C12orf54: variants seen among roughly 807,000 people sequenced by gnomAD.
C12orf54 encodes uncharacterized protein C12orf54.
C12orf54 carries 24 observed loss-of-function variants against 26.4 expected under a neutral mutation model. The ratio of observed to expected loss-of-function variants is 0.91; its 90% CI spans 0.66 to 1.28. The LOEUF is 1.28. Among genes scored for constraint, C12orf54 ranks in the 50% most tolerant of loss-of-function variants. C12orf54 has a pLI of 0.00. For missense variants in C12orf54, 154 were observed against 150.9 expected (o/e 1.02, Z -0.11); for synonymous variants, 54 against 47.0 (o/e 1.15, Z -0.61).
chr12:48,419,779 G>T, the C12orf54 span, among the ~76,000 whole-genome samples: 1 of 152,136 alleles, frequency 6.6e-6, no homozygotes, highest in African/African-American at 2.4e-5. Context: ...GAGCCTCGAG[G>T]TACTCTGACC....
At chr12:48,440,640 T>A in the C12orf54 span, among the ~76,000 whole-genome samples, 1 of 152,206 alleles carries the variant, frequency 6.6e-6, no homozygotes, top group Non-Finnish European at 1.5e-5. Flanking sequence ...CATCTCTGGT[T>A]ATACATAGGT....
chr12:48,444,988 C>G, the C12orf54 span, among the ~76,000 whole-genome samples: 4 of 152,068 alleles, frequency 2.6e-5, no homozygotes, highest in Admixed American at 6.5e-5. Flanking sequence ...CTGGCTAACA[C>G]AGTGAAACCC....
chr12:48,493,490 C>A (rs1181914431), intron 7 of C12orf54, among the ~76,000 whole-genome samples: 1 of 151,638 alleles, frequency 6.6e-6, no homozygotes, highest in Non-Finnish European at 1.5e-5. Flanking sequence ...TGTGGTGGTG[C>A]ATGCCTGTAG....
At chr12:48,486,857 C>A in intron 4 of C12orf54, 131 bp downstream of exon 4, 1 of 860,744 alleles carries the variant, frequency 1.2e-6, no homozygotes, top group South Asian at 1.7e-5. Flanking sequence ...CAACACGCTC[C>A]CTCCCACCTT....
At chr12:48,443,267 A>G in the C12orf54 span, among the ~76,000 whole-genome samples, 1 of 152,164 alleles carries the variant, frequency 6.6e-6, no homozygotes, top group Non-Finnish European at 1.5e-5. Context: ...TAATGATCTA[A>G]TAGGGAGAGA....
chr12:48,426,601 T>A, the C12orf54 span, among the ~76,000 whole-genome samples: 82 of 152,284 alleles, frequency 5.4e-4, no homozygotes, highest in Admixed American at 3.9e-4. Flanking sequence ...TTAAAATTGT[T>A]GTTTCTAGTT....
the C12orf54 span, among the ~76,000 whole-genome samples, chr12:48,468,248 T>G: frequency 3.3e-5 from 5 of 152,166 alleles, no homozygotes; most frequent in Non-Finnish European, 7.3e-5. Flanking sequence ...AGAAGATCTC[T>G]CTGAGGATAT....
upstream of C12orf54, among the ~76,000 whole-genome samples, chr12:48,479,805 GC>G (rs1430934900): frequency 6.6e-6 from 1 of 151,844 alleles, no homozygotes; most frequent in African/African-American, 2.4e-5. Context: ...TTTTTCTCCT[GC>G]CCCTCAGACG....
the C12orf54 span, among the ~76,000 whole-genome samples, chr12:48,456,570 TCC>T: frequency 1.3e-5 from 2 of 152,156 alleles, no homozygotes; most frequent in South Asian, 4.1e-4. Context: ...CCAACTCTGC[TCC>T]TCGCCTGCCG....
the C12orf54 span, among the ~76,000 whole-genome samples, chr12:48,466,346 C>T: frequency 2.0e-5 from 3 of 152,026 alleles, no homozygotes; most frequent in South Asian, 2.1e-4. Context: ...GAGTTCGGGA[C>T]GATCCTGGCC....
At chr12:48,413,338 C>A in the C12orf54 span, among the ~76,000 whole-genome samples, 1 of 152,116 alleles carries the variant, frequency 6.6e-6, no homozygotes, top group African/African-American at 2.4e-5. Flanking sequence ...AAAAATGGCT[C>A]AACAGTTTGA....
the C12orf54 span, among the ~76,000 whole-genome samples, chr12:48,457,232 G>A: frequency 6.6e-6 from 1 of 151,992 alleles, no homozygotes; most frequent in Admixed American, 6.6e-5. Flanking sequence ...AGAAGAATGG[G>A]CCGTAAGCTT....
At chr12:48,461,936 C>T in the C12orf54 span, among the ~76,000 whole-genome samples, 1 of 151,404 alleles carries the variant, frequency 6.6e-6, no homozygotes, top group Admixed American at 6.6e-5. Context: ...AAATCAAAAG[C>T]TGATCCTTTG....
intron 2 of C12orf54, 28 bp from the exon 3 acceptor site, chr12:48,486,150 T>C: frequency 6.3e-7 from 1 of 1,596,144 alleles, no homozygotes; most frequent in South Asian, 1.1e-5. Flanking sequence ...GTGCTCCTCA[T>C]CAGGTTTATA....
chr12:48,469,867 G>T, the C12orf54 span, among the ~76,000 whole-genome samples: 1 of 152,044 alleles, frequency 6.6e-6, no homozygotes, highest in African/African-American at 2.4e-5. Context: ...CACTCTAGTT[G>T]TCCCCAACAT....
the C12orf54 span, among the ~76,000 whole-genome samples, chr12:48,439,886 T>C: frequency 1.3e-5 from 2 of 151,408 alleles, no homozygotes; most frequent in East Asian, 3.9e-4. Context: ...ACCCTAAAAC[T>C]TAAAGTATGA....
chr12:48,473,719 A>T, the C12orf54 span: 1 of 176,894 alleles, frequency 5.7e-6, no homozygotes, highest in Non-Finnish European at 1.2e-5. Context: ...CTCTCAAAGA[A>T]GATGGTTTGG....
chr12:48,476,812 C>A, the C12orf54 span, among the ~76,000 whole-genome samples: 9 of 152,142 alleles, frequency 5.9e-5, no homozygotes, highest in African/African-American at 7.2e-5. Context: ...TGGTAACACC[C>A]CACTGTCAAC....
the C12orf54 span, among the ~76,000 whole-genome samples, chr12:48,431,660 C>A: frequency 1.3e-5 from 2 of 152,030 alleles, no homozygotes; most frequent in Non-Finnish European, 2.9e-5. Flanking sequence ...TTTATAAAAA[C>A]CTTCGAGAAA....
Sources: gnomAD v4.1 joint callset for allele counts (sites outside exome capture counted in the v4.1 genomes callset) on GRCh38, gnomAD v4.1.1 for gene constraint, MANE v1.5 for transcripts, NCBI Gene and HGNC (gene_info 2026-07-23, HGNC 2026-07-21) for gene names.